The following TTC27 variants were observed in gnomAD, a reference collection of about 807,000 sequenced individuals.
TTC27 encodes tetratricopeptide repeat domain 27.
In TTC27, 79 loss-of-function variants were observed where a neutral mutation model predicts 115.9. The observed-to-expected ratio is 0.68, with a 90% CI of 0.57 to 0.82. TTC27 has a LOEUF of 0.82. Among genes scored for constraint, TTC27 ranks in the 40% least tolerant of loss-of-function variants. The probability of loss-of-function intolerance (pLI) is 0.00; values close to 1 mark genes in which losing one functional copy is unlikely to be tolerated. For synonymous variants in TTC27, 401 were observed against 356.0 expected, an observed-to-expected ratio of 1.13 and a Z score of -1.42; for missense variants, 1,054 against 993.1, an observed-to-expected ratio of 1.06 and a Z score of -0.82.
Position 32,657,334 on chromosome 2 carries a change from G to A in TTC27, c.641-6969G>A, listed in dbSNP as rs549025912. Among the ~76,000 whole-genome samples, 10 of 150,048 alleles carry A rather than the reference G, an allele frequency of 6.7e-5. No individual in the cohort carries two copies. In the East Asian group the frequency reaches 1.2e-3, roughly 18 times the overall value. ...GTCCAGAGAATCTCTTAAATGGACC[G>A]TAGAAAAACACTGTCTTTCTTTTTT... On this transcript the variant is annotated intron_variant, in intron 5 of 19. Coordinates refer to ENST00000317907, the MANE Select transcript of TTC27 (RefSeq NM_017735.5).
In TTC27 at chr2:32,686,929, C is replaced by G. The variant is rs563524544; in HGVS notation, c.1119+8007C>G. Among the ~76,000 whole-genome samples the G allele has an allele frequency of 3.3e-5, 5 of 152,314 alleles. No individual in the cohort carries two copies. In the South Asian group the frequency reaches 1.0e-3, roughly 32 times the overall value. Reference sequence around the variant, plus strand: ...GCACAATCTTGGCTCACTGCAACCTCTACCTCCTGGGTTCAAGCAATTCCT... The same window carrying G: ...GCACAATCTTGGCTCACTGCAACCTGTACCTCCTGGGTTCAAGCAATTCCT... On this transcript the variant is annotated intron_variant, in intron 9 of 19. Transcript: ENST00000317907.
At chr2:32,703,986 C>T (rs772933224) in intron 10 of TTC27, among the ~76,000 whole-genome samples, 7 of 152,264 alleles carry the variant, frequency 4.6e-5, no homozygotes, top group South Asian at 2.1e-4. Context: ...TGTTCTCATA[C>T]GACAGAAGAG....
chr2:32,678,795 A>C, intron 8 of TTC27, 61 bp from the exon 9 acceptor site: 1 of 1,289,468 alleles, frequency 7.8e-7, no homozygotes, highest in Non-Finnish European at 1.1e-6. Flanking sequence ...TTTAAAAATT[A>C]TATTTCATTA....
chr2:32,741,914 T>C lies in TTC27; in HGVS notation c.1452+5098T>C, dbSNP rs138200252. Among the ~76,000 whole-genome samples the C allele has an allele frequency of 6.0e-4, 91 of 152,352 alleles. No homozygotes were observed. In the East Asian group the frequency reaches 0.014, roughly 23 times the overall value. ...AATTATGAGATTCCCCCACTCCCAT[T>C]TGAACCTTCTAACTTTAGGAGTAGA... On this transcript the variant is annotated intron_variant, in intron 12 of 19. Coordinates refer to ENST00000317907, the MANE Select transcript of TTC27 (RefSeq NM_017735.5).
intron 16 of TTC27, among the ~76,000 whole-genome samples, chr2:32,798,154 C>T (rs1670775750): frequency 6.6e-6 from 1 of 150,380 alleles, no homozygotes; most frequent in Non-Finnish European, 1.5e-5. Flanking sequence ...CACCTGTAAT[C>T]CCAGCACTTT....
intron 10 of TTC27, among the ~76,000 whole-genome samples, chr2:32,720,072 A>G (rs1205878819): frequency 6.6e-6 from 1 of 152,180 alleles, no homozygotes; most frequent in Non-Finnish European, 1.5e-5. Context: ...GACTGCTTCA[A>G]CACTGCTTAC....
rs554431810 is a variant in TTC27, at chr2:32,817,724, C to T, written c.2409+167C>T. Among the ~76,000 whole-genome samples the T allele has an allele frequency of 4.6e-5, 7 of 152,270 alleles. No individual in the cohort carries two copies. The South Asian group carries it at 1.5e-3, about 32-fold the overall frequency. On this transcript the variant is annotated intron_variant, in intron 19 of 19. Coordinates refer to ENST00000317907, the MANE Select transcript of TTC27 (RefSeq NM_017735.5). The stretch of plus-strand genomic sequence containing the variant: ...GTTGTGTTGTGAGGATACTATTGGC[C>T]TAATGGATAGACCACTCTAAATGTG...
At chr2:32,798,134 C>T (rs774560245) in intron 16 of TTC27, among the ~76,000 whole-genome samples, 12 of 151,318 alleles carry the variant, frequency 7.9e-5, no homozygotes, top group South Asian at 2.1e-4. Context: ...AGGCCAGGCG[C>T]GGTGGCTCAC....
chr2:32,704,307 C>T (rs982475899), intron 10 of TTC27, among the ~76,000 whole-genome samples: 1 of 152,048 alleles, frequency 6.6e-6, no homozygotes, highest in African/African-American at 2.4e-5. Context: ...ATGCCTCAGC[C>T]TTCTGAGTAG....
intron 11 of TTC27, 53 bp from the exon 12 acceptor site, chr2:32,736,641 G>T (rs767579094): frequency 2.5e-6 from 4 of 1,607,610 alleles, no homozygotes; most frequent in Non-Finnish European, 3.4e-6. Flanking sequence ...AAGTGAAACA[G>T]GAATCTCTTT....
chr2:32,666,761 TA>T lies in TTC27; in HGVS notation c.934del (p.Thr312ProfsTer12). The T allele has an allele frequency of 6.2e-7, 1 of 1,612,416 alleles. No homozygotes were observed. The highest frequency in any genetic ancestry group is 8.5e-7 in the Non-Finnish European group (1 of 1,179,202). ...CCAGCACCCACTCCTCAGGAACATT[TA>T]ACCAAGGCAAGTAGGACATTAAGTT... ...FTPAPTPQEHLTKNLELNDDT... is the reference protein window; with the variant it reads ...FTPAPTPQEHXTKNLELNDDT... On this transcript the variant is annotated frameshift_variant, in exon 7 of 20. Transcript: ENST00000317907. LOFTEE classifies it high-confidence loss of function.
chr2:32,716,709 A>G (rs1041474971), intron 10 of TTC27, among the ~76,000 whole-genome samples: 6 of 150,910 alleles, frequency 4.0e-5, no homozygotes, highest in Admixed American at 4.0e-4. Context: ...TTTTTCTTTC[A>G]GAGACAGGGT....
At chr2:32,761,176 C>G (rs1049695761) in intron 13 of TTC27, among the ~76,000 whole-genome samples, 1 of 152,134 alleles carries the variant, frequency 6.6e-6, no homozygotes, top group Non-Finnish European at 1.5e-5. Flanking sequence ...TTATCCTTAT[C>G]CTCATCCCTA....
At chr2:32,673,678 A>AAGTTATT (rs1666094338) in intron 8 of TTC27, among the ~76,000 whole-genome samples, 2 of 152,194 alleles carry the variant, frequency 1.3e-5, no homozygotes, top group Admixed American at 1.3e-4. Flanking sequence ...GGCTTCTCCA[A>AAGTTATT]AGTTATTCAT....
intron 10 of TTC27, among the ~76,000 whole-genome samples, chr2:32,716,997 ATTTTTTTTTAATT>A (rs1667774665): frequency 8.6e-6 from 1 of 116,186 alleles, no homozygotes; most frequent in Non-Finnish European, 1.7e-5. Context: ...CCTGGCTCAG[ATTTTTTTTTAATT>A]TTTTTTTTTT....
intron 15 of TTC27, among the ~76,000 whole-genome samples, chr2:32,782,967 C>T (rs1415865457): frequency 6.6e-6 from 1 of 152,052 alleles, no homozygotes; most frequent in African/African-American, 2.4e-5. Flanking sequence ...ATGATAAAAG[C>T]AAACATATGT....
intron 14 of TTC27, chr2:32,780,182 A>T (rs1298172602): frequency 2.4e-6 from 1 of 418,296 alleles, no homozygotes; most frequent in African/African-American, 2.0e-5. Context: ...GAATTTTCCT[A>T]TGGGATTTTT....
At chr2:32,808,315 A>G (rs149986194) in intron 16 of TTC27, among the ~76,000 whole-genome samples, 27 of 152,290 alleles carry the variant, frequency 1.8e-4, no homozygotes, top group Admixed American at 7.2e-4. Context: ...CTCTTTAGGC[A>G]ATATCTGCCA....
chr2:32,704,926 TTG>T (rs1393917394), intron 10 of TTC27: 1 of 470,958 alleles, frequency 2.1e-6, no homozygotes, highest in East Asian at 6.9e-5. Flanking sequence ...AAGCTTGTGT[TTG>T]TGAGATTTCT....
Sources: allele counts gnomAD v4.1 joint callset (sites outside exome capture counted in the v4.1 genomes callset), GRCh38; gene constraint gnomAD v4.1.1; transcripts MANE v1.5; gene names NCBI Gene and HGNC (gene_info 2026-07-23, HGNC 2026-07-21).